ODAD2: variants seen among roughly 807,000 people sequenced by gnomAD.
ODAD2 encodes the protein outer dynein arm docking complex subunit 2.
In ODAD2, 89 loss-of-function variants were observed where a neutral mutation model predicts 106.8. The ratio of observed to expected loss-of-function variants is 0.83; its 90% CI spans 0.70 to 0.99. The LOEUF (loss-of-function observed/expected upper bound fraction) is 0.99, where lower values mean the gene tolerates loss of function less well. Among genes scored for constraint, ODAD2 ranks in the 50% least tolerant of loss-of-function variants. The probability of loss-of-function intolerance (pLI) is 0.00; values close to 1 mark genes in which losing one functional copy is unlikely to be tolerated. For synonymous variants in ODAD2, 404 were observed against 436.2 expected, an observed-to-expected ratio of 0.93 and a Z score of 0.92; for missense variants, 1,168 against 1,238.5, an observed-to-expected ratio of 0.94 and a Z score of 0.85.
rs983528150 is a variant in ODAD2 at position 27,824,538 on chromosome 10, AT to A, written c.3022-11914del. The stretch of plus-strand genomic sequence containing the variant: ...CCAGCCTCTAGAACTGTGAGAAATA[AT>A]TTTTTTTCCTCATAAATTACCCAGT... On this transcript the variant is annotated intron_variant, in intron 19 of 19. Coordinates refer to ENST00000305242, the MANE Select transcript of ODAD2 (RefSeq NM_018076.5). Among the ~76,000 whole-genome samples, 128 of 152,134 alleles carry A rather than the reference AT, an allele frequency of 8.4e-4. 1 individual carries two copies. Among genetic ancestry groups the A allele is most frequent in the Admixed American group, 5.7e-3 (87 of 15,264 alleles).
chr10:27,869,534 CTTTTTCTTTTTTTT>C (rs1394629982), intron 17 of ODAD2, among the ~76,000 whole-genome samples: 7 of 116,000 alleles, frequency 6.0e-5, no homozygotes, highest in Non-Finnish European at 1.3e-4. Context: ...TTTCTTTTTT[CTTTTTCTTTTTTTT>C]TTTTGAGATG....
chr10:27,970,492 T>C (rs897974721), intron 8 of ODAD2, among the ~76,000 whole-genome samples: 1 of 152,204 alleles, frequency 6.6e-6, no homozygotes, highest in Non-Finnish European at 1.5e-5. Flanking sequence ...TTTCTGCATA[T>C]TACTTGTCCT....
rs1180938245 is a variant in ODAD2, at chr10:27,987,372, A to G, written c.382+14T>C. On this transcript the variant is annotated intron_variant, in intron 3 of 19. Transcript: ENST00000305242. ...TCTAAAAGTTCAAATCACAGACTGGAGCATTAAGATCACCTTCAACACATG... is the reference window on the plus strand; with the variant it reads ...TCTAAAAGTTCAAATCACAGACTGGGGCATTAAGATCACCTTCAACACATG... 3.1e-6 allele frequency: 5 copies of G among 1,607,206 alleles called. No homozygotes were observed. Among genetic ancestry groups the G allele is most frequent in the Admixed American group, 1.7e-5 (1 of 59,032 alleles).
chr10:27,858,051 C>A (rs1182599704), intron 19 of ODAD2, among the ~76,000 whole-genome samples: 2 of 152,212 alleles, frequency 1.3e-5, no homozygotes, highest in African/African-American at 2.4e-5. Context: ...AATTGAACCA[C>A]CCTGATGTGC....
Position 27,940,322 on chromosome 10 carries a change from CGT to C in ODAD2, c.1986+239_1986+240del, listed in dbSNP as rs530431839. Among the ~76,000 whole-genome samples, 136 of 150,828 alleles carry C rather than the reference CGT, an allele frequency of 9.0e-4. 2 individuals are homozygous for C. Among genetic ancestry groups the C allele is most frequent in the African/African-American group, 3.1e-3 (127 of 40,978 alleles). On this transcript the variant is annotated intron_variant, in intron 13 of 19. Coordinates refer to ENST00000305242, the MANE Select transcript of ODAD2 (RefSeq NM_018076.5). Reference sequence around the variant, plus strand: ...ATATATATATAAATGTCAGCATATACGTGTGAGATTTATATAAATGTCAGTAT... The same window carrying C: ...ATATATATATAAATGTCAGCATATACGTGAGATTTATATAAATGTCAGTAT...
At chr10:27,998,583 G>A (rs946413322) in intron 1 of ODAD2, among the ~76,000 whole-genome samples, 1 of 151,856 alleles carries the variant, frequency 6.6e-6, no homozygotes, top group African/African-American at 2.4e-5. Flanking sequence ...GGAGCAGACG[G>A]TCCCCAACCT....
At chr10:27,928,452 T>A (rs1441437686) in intron 16 of ODAD2, among the ~76,000 whole-genome samples, 1 of 152,088 alleles carries the variant, frequency 6.6e-6, no homozygotes, top group Non-Finnish European at 1.5e-5. Flanking sequence ...CTGTCTCTAT[T>A]AATGCTAAAA....
intron 9 of ODAD2, among the ~76,000 whole-genome samples, chr10:27,963,017 T>G (rs1009389575): frequency 9.9e-5 from 15 of 152,004 alleles, no homozygotes; most frequent in Non-Finnish European, 2.2e-4. Flanking sequence ...TGTACTTTTT[T>G]TTTTTTTTTA....
At chr10:27,971,340 T>G in intron 7 of ODAD2, 27 bp from the exon 8 acceptor site, 1 of 1,540,756 alleles carries the variant, frequency 6.5e-7, no homozygotes, top group Non-Finnish European at 8.8e-7. Context: ...AGAATAATTT[T>G]TAATGATATC....
In ODAD2 at chr10:27,896,464, A is replaced by G. The variant is rs576290027; in HGVS notation, c.2610+11199T>C. On this transcript the variant is annotated intron_variant, in intron 17 of 19. Transcript: ENST00000305242. The stretch of plus-strand genomic sequence containing the variant: ...TAGATTGATAGGTAATAGATGGATG[A>G]TTGATTGAAAGATAGAGAGATAGAT... Among the ~76,000 whole-genome samples the G allele has an allele frequency of 3.9e-5, 6 of 152,332 alleles. No individual in the cohort carries two copies. The South Asian group carries it at 1.2e-3, about 32-fold the overall frequency.
chr10:27,819,432 G>A (rs1033615798), intron 19 of ODAD2, among the ~76,000 whole-genome samples: 16 of 152,020 alleles, frequency 1.1e-4, no homozygotes, highest in Admixed American at 5.9e-4. Context: ...CTCTATCTTC[G>A]AGAGAGTAAA....
intron 9 of ODAD2, among the ~76,000 whole-genome samples, chr10:27,966,719 G>A (rs1416370361): frequency 2.0e-5 from 3 of 152,168 alleles, no homozygotes; most frequent in Non-Finnish European, 4.4e-5. Context: ...AATAGCTGTT[G>A]CTTGGATACA....
At chr10:27,879,044 G>T (rs1841537743) in intron 17 of ODAD2, among the ~76,000 whole-genome samples, 1 of 152,136 alleles carries the variant, frequency 6.6e-6, no homozygotes, top group Non-Finnish European at 1.5e-5. Flanking sequence ...TGCATTACGT[G>T]TTGAGGGTAG....
At chr10:27,890,304 C>T (rs940079230) in intron 17 of ODAD2, among the ~76,000 whole-genome samples, 2 of 152,188 alleles carry the variant, frequency 1.3e-5, no homozygotes, top group African/African-American at 4.8e-5. Flanking sequence ...GATCTGATCA[C>T]GACAGCATGC....
chr10:27,959,097 G>A (rs994133171), intron 10 of ODAD2: 18 of 1,020,150 alleles, frequency 1.8e-5, no homozygotes, highest in African/African-American at 1.5e-4. Flanking sequence ...AGCACTTTGG[G>A]AGGCCAATGT....
intron 17 of ODAD2, among the ~76,000 whole-genome samples, chr10:27,875,732 C>G (rs974301040): frequency 6.6e-6 from 1 of 152,104 alleles, no homozygotes; most frequent in Non-Finnish European, 1.5e-5. Flanking sequence ...GAGCATGAGC[C>G]AAAGCAGGGC....
At chr10:27,870,103 A>G (rs1840748913) in intron 17 of ODAD2, among the ~76,000 whole-genome samples, 1 of 152,146 alleles carries the variant, frequency 6.6e-6, no homozygotes. Context: ...ATCTCCAAAA[A>G]GTCTAGAAGG....
intron 6 of ODAD2, among the ~76,000 whole-genome samples, chr10:27,982,419 A>G (rs1187684174): frequency 1.3e-5 from 2 of 152,172 alleles, no homozygotes; most frequent in African/African-American, 4.8e-5. Flanking sequence ...TGATAGAAAT[A>G]AAGACTCCCT....
Position 27,990,582 on chromosome 10 carries a change from C to T in ODAD2, c.225-3039G>A, listed in dbSNP as rs112317402. Among the ~76,000 whole-genome samples the T allele has an allele frequency of 2.3e-3, 353 of 152,310 alleles. 2 individuals are homozygous for T. The highest frequency in any genetic ancestry group is 8.2e-3 in the African/African-American group (342 of 41,568). On this transcript the variant is annotated intron_variant, in intron 2 of 19. Coordinates refer to ENST00000305242, the MANE Select transcript of ODAD2 (RefSeq NM_018076.5). ...CCTCAGGGACAAAAAATAAATAGCTCAGTAACAAAACTTATGGCCACTGAC... is the reference window on the plus strand; with the variant it reads ...CCTCAGGGACAAAAAATAAATAGCTTAGTAACAAAACTTATGGCCACTGAC...
Sources: allele counts gnomAD v4.1 joint callset (sites outside exome capture counted in the v4.1 genomes callset), GRCh38; gene constraint gnomAD v4.1.1; transcripts MANE v1.5; gene names NCBI Gene and HGNC (gene_info 2026-07-23, HGNC 2026-07-21).